The following COPS5 variants were observed in gnomAD, a reference collection of about 807,000 sequenced individuals.
The protein encoded by COPS5 is COP9 signalosome subunit 5, also known as COP9 signalosome complex subunit 5.
A neutral mutation model predicts 44.4 loss-of-function variants in COPS5; 8 were observed. The observed-to-expected ratio is 0.18, with a 90% confidence interval of 0.11 to 0.32. The LOEUF (loss-of-function observed/expected upper bound fraction) is 0.32. Ranked by LOEUF, COPS5 falls within the 10% of genes least tolerant of loss-of-function variation. The pLI, the probability that COPS5 is intolerant of heterozygous loss-of-function variation, is 1.00. For synonymous variants in COPS5, 122 were observed against 142.8 expected (o/e 0.85, Z 1.04); for missense variants, 159 against 406.4 (o/e 0.39, Z 5.23).
intron 2 of COPS5, 123 bp downstream of exon 2, chr8:67,059,088 A>G (rs2129538019): frequency 3.1e-6 from 2 of 642,726 alleles, no homozygotes; most frequent in East Asian, 5.6e-5. Context: ...CATTTTACAT[A>G]TAAATCATTA....
At chr8:67,045,557 G>T in intron 7 of COPS5, 1 of 426,604 alleles carries the variant, frequency 2.3e-6, no homozygotes, top group Non-Finnish European at 4.2e-6. Context: ...ACCTAGAAAA[G>T]GTGACTGGGA....
chr8:67,057,363 A>G lies in COPS5; in HGVS notation c.573+17T>C. On this transcript the variant is annotated intron_variant, in intron 4 of 7. Transcript: ENST00000357849. ...TAACACAGTGAGACTCTAACTCTTA[A>G]AAAAAAAAAAAGTTACCTTTGGGTA... The G allele has an allele frequency of 6.9e-7, 1 of 1,439,076 alleles. No individual in the cohort carries two copies. Among genetic ancestry groups the G allele is most frequent in the Non-Finnish European group, 9.5e-7 (1 of 1,053,246 alleles). 89.1% of individuals were successfully genotyped at this position (1,439,076 alleles called of 1,614,324 possible). A position where few individuals can be genotyped will look rare whatever the true frequency, so the allele number is the denominator to read the frequency against.
intron 5 of COPS5, among the ~76,000 whole-genome samples, chr8:67,052,623 G>C (rs1804434819): frequency 6.6e-6 from 1 of 151,670 alleles, no homozygotes; most frequent in South Asian, 2.1e-4. Context: ...TCACAATGTT[G>C]GTCAGGCTGG....
chr8:67,061,423 C>T (rs1423976836), intron 1 of COPS5: 1 of 448,348 alleles, frequency 2.2e-6, no homozygotes, highest in Non-Finnish European at 4.4e-6. Context: ...GGACCCATTT[C>T]TATTAAAAAA....
chr8:67,047,996 C>T, intron 6 of COPS5: 1 of 672,968 alleles, frequency 1.5e-6, no homozygotes, highest in Non-Finnish European at 2.7e-6. Context: ...AGAACAGATA[C>T]TGGGCGCCGT....
intron 7 of COPS5, chr8:67,044,885 C>T (rs1816680881): frequency 6.6e-6 from 1 of 152,248 alleles, no homozygotes; most frequent in Non-Finnish European, 1.5e-5. Flanking sequence ...CAGGTGTGAA[C>T]CACTGTGCCC....
chr8:67,049,399 G>A (rs560784628), intron 6 of COPS5, among the ~76,000 whole-genome samples: 7 of 152,198 alleles, frequency 4.6e-5, no homozygotes, highest in African/African-American at 1.7e-4. Flanking sequence ...GGGAAGTTGA[G>A]GCTGCAGTGA....
chr8:67,061,208 T>C (rs1274229983), intron 1 of COPS5: 1 of 263,832 alleles, frequency 3.8e-6, no homozygotes, highest in Non-Finnish European at 7.6e-6. Flanking sequence ...GCTCTATTTT[T>C]ATAATTTCTG....
rs758189607 is a variant in COPS5 at position 67,057,428 on chromosome 8, T to C, written c.525A>G (p.Thr175=). The change falls in exon 4 of 8, where the codon ACA becomes ACG. Residue 175 remains threonine (T), a synonymous_variant. Transcript: ENST00000357849. ...CAAGATTCACTTTCCCTGCGGATAT[T>C]GTTCTTGTTGGATCAATCTATAAGA... ...FVAVVIDPTR[T]ISAGKVNLGA... 1.9e-6 allele frequency: 3 copies of C among 1,611,226 alleles called. No individual in the cohort carries two copies. In the Admixed American group the frequency reaches 5.0e-5, roughly 27 times the overall value.
chr8:67,046,404 A>G (rs942808214), intron 6 of COPS5, among the ~76,000 whole-genome samples: 1 of 152,224 alleles, frequency 6.6e-6, no homozygotes, highest in Non-Finnish European at 1.5e-5. Context: ...TAATGCATAT[A>G]AAGTTTTTGG....
chr8:67,045,949 A>G lies in COPS5; in HGVS notation c.783T>C (p.Tyr261=), dbSNP rs767370923. The part of the protein sequence containing the change: ...SSSSLLTNAD[Y]TTGQVFDLSE... ...ACAAATCAAAGACCTGACCAGTGGT[A>G]TAGTCTGCATTCTGTGGGGAAAGTG... Residue 261 remains tyrosine, a synonymous_variant, in exon 7 of 8, where the codon TAT becomes TAC. Transcript: ENST00000357849. 1.5e-5 allele frequency: 24 copies of G among 1,613,898 alleles called. No homozygotes were observed. Among genetic ancestry groups the G allele is most frequent in the African/African-American group, 1.3e-5 (1 of 74,886 alleles).
chr8:67,051,427 T>G (rs1404176728), intron 5 of COPS5, 86 bp from the exon 6 acceptor site: 1 of 683,190 alleles, frequency 1.5e-6, no homozygotes, highest in African/African-American at 1.8e-5. Context: ...TTAAGTGAGT[T>G]ACACTTTATT....
chr8:67,058,358 T>G, intron 2 of COPS5, 147 bp from the exon 3 acceptor site: 1 of 666,504 alleles, frequency 1.5e-6, no homozygotes, highest in Middle Eastern at 3.7e-4. Flanking sequence ...CTATGGGCAA[T>G]TGCTTACCCT....
intron 2 of COPS5, among the ~76,000 whole-genome samples, chr8:67,058,797 A>C (rs1804546948): frequency 6.6e-6 from 1 of 152,100 alleles, no homozygotes; most frequent in Admixed American, 6.5e-5. Context: ...TGAGGACAGG[A>C]GTTTGGGACC....
At chr8:67,049,121 G>A (rs541681002) in intron 6 of COPS5, among the ~76,000 whole-genome samples, 46 of 152,278 alleles carry the variant, frequency 3.0e-4, no homozygotes, top group Admixed American at 7.2e-4. Context: ...CATTTCAATA[G>A]TGATTTACTT....
chr8:67,048,572 C>T (rs567050632), intron 6 of COPS5, among the ~76,000 whole-genome samples: 8 of 151,582 alleles, frequency 5.3e-5, no homozygotes, highest in African/African-American at 1.2e-4. Context: ...AAAAATTAGC[C>T]GGGCGTGGTG....
chr8:67,053,146 G>C (rs1454588459), intron 5 of COPS5, among the ~76,000 whole-genome samples: 1 of 151,976 alleles, frequency 6.6e-6, no homozygotes, highest in East Asian at 2.0e-4. Context: ...CTGGAGTGCA[G>C]TTGTGCTATC....
At chr8:67,052,393 G>T (rs913294770) in intron 5 of COPS5, among the ~76,000 whole-genome samples, 1 of 151,582 alleles carries the variant, frequency 6.6e-6, no homozygotes, top group Non-Finnish European at 1.5e-5. Flanking sequence ...TCTAGGTGGT[G>T]AAGGATGTTA....
intron 6 of COPS5, among the ~76,000 whole-genome samples, chr8:67,046,680 G>A (rs1248245551): frequency 3.3e-5 from 5 of 151,352 alleles, no homozygotes; most frequent in Admixed American, 6.6e-5. Flanking sequence ...AAAATTAGCC[G>A]GGCGTGGTGG....
Sources: gnomAD v4.1 joint callset for allele counts (sites outside exome capture counted in the v4.1 genomes callset) on GRCh38, gnomAD v4.1.1 for gene constraint, MANE v1.5 for transcripts, NCBI Gene and HGNC (gene_info 2026-07-23, HGNC 2026-07-21) for gene names.